SNTA1: variants seen among roughly 807,000 people sequenced by gnomAD.
SNTA1 encodes alpha-1-syntrophin.
A neutral mutation model predicts 47.1 loss-of-function variants in SNTA1; 31 were observed. The observed-to-expected ratio is 0.66, with a 90% confidence interval of 0.49 to 0.89. The LOEUF (loss-of-function observed/expected upper bound fraction) is 0.89, where lower values mean the gene tolerates loss of function less well. Among genes scored for constraint, SNTA1 ranks in the 40% least tolerant of loss-of-function variants. The probability of loss-of-function intolerance (pLI) is 0.00; values close to 1 mark genes in which losing one functional copy is unlikely to be tolerated. For synonymous variants in SNTA1, 300 were observed against 313.6 expected (o/e 0.96, Z 0.46); for missense variants, 575 against 693.0 (o/e 0.83, Z 1.91).
At chr20:33,438,241 G>A (rs1468385383) in intron 2 of SNTA1, among the ~76,000 whole-genome samples, 3 of 152,182 alleles carry the variant, frequency 2.0e-5, no homozygotes, top group Admixed American at 6.5e-5. Flanking sequence ...CAGAGGTTGC[G>A]ATGAACCAAG....
chr20:33,435,847 A>G (rs1028513765), intron 2 of SNTA1, among the ~76,000 whole-genome samples: 2 of 152,208 alleles, frequency 1.3e-5, no homozygotes, highest in African/African-American at 2.4e-5. Flanking sequence ...TACAGATACT[A>G]CCTTCTCAAA....
intron 2 of SNTA1, among the ~76,000 whole-genome samples, chr20:33,419,119 T>A (rs1989958593): frequency 1.3e-5 from 2 of 150,684 alleles, no homozygotes; most frequent in South Asian, 4.2e-4. Context: ...AAAAAAAAAA[T>A]GATGACTTTC....
chr20:33,410,360 T>C (rs1319951760), intron 5 of SNTA1, 29 bp from the exon 6 acceptor site: 1 of 1,492,746 alleles, frequency 6.7e-7, no homozygotes, highest in South Asian at 1.2e-5. Context: ...GGGCTGAGCA[T>C]GAGGCCTCAG....
At position 33,437,120 on chromosome 20, in the gene SNTA1, G is replaced by A. The variant is rs1600862549; in HGVS notation, c.496+1721C>T. ...TCTACTAAAAATAAAAAAATTAGCC[G>A]GGCATGGTGGTGGGTGCCTGTAATC... On this transcript the variant is annotated intron_variant, in intron 2 of 7. Transcript: ENST00000217381. Among the ~76,000 whole-genome samples the A allele has an allele frequency of 3.3e-5, 5 of 151,676 alleles. 1 individual carries two copies. The highest frequency in any genetic ancestry group is 1.2e-4 in the African/African-American group (5 of 41,382).
intron 1 of SNTA1, 21 bp downstream of exon 1, chr20:33,443,289 GC>G (rs1445446683): frequency 5.3e-6 from 8 of 1,496,354 alleles, no homozygotes; most frequent in Non-Finnish European, 7.1e-6. Flanking sequence ...ACGACCCCGC[GC>G]CCTCGGTGTC....
At chr20:33,432,944 T>G (rs1437228643) in intron 2 of SNTA1, among the ~76,000 whole-genome samples, 1 of 152,124 alleles carries the variant, frequency 6.6e-6, no homozygotes, top group Non-Finnish European at 1.5e-5. Flanking sequence ...AATTTTTTTT[T>G]TTTGAGATAG....
chr20:33,440,022 G>T, intron 1 of SNTA1, among the ~76,000 whole-genome samples: 1 of 152,160 alleles, frequency 6.6e-6, no homozygotes, highest in East Asian at 1.9e-4. Flanking sequence ...CTACTCGGGA[G>T]GCTGAGGCAG....
chr20:33,416,620 C>T (rs2146770793), intron 3 of SNTA1, among the ~76,000 whole-genome samples: 1 of 152,242 alleles, frequency 6.6e-6, no homozygotes, highest in Non-Finnish European at 1.5e-5. Flanking sequence ...GCGTGGCCAA[C>T]ATGGTGGAAC....
chr20:33,441,798 T>G (rs986444261), intron 1 of SNTA1, among the ~76,000 whole-genome samples: 2 of 152,196 alleles, frequency 1.3e-5, no homozygotes, highest in African/African-American at 4.8e-5. Context: ...AGTGTGTCCA[T>G]CTGCAGAATG....
At position 33,408,147 on chromosome 20, in the gene SNTA1, G is replaced by A; in HGVS notation, c.*360C>T. 1 of 336,298 alleles carries A rather than the reference G, an allele frequency of 3.0e-6. No homozygotes were observed. The highest frequency in any genetic ancestry group is 6.5e-5 in the East Asian group (1 of 15,458). The allele number at this position is 336,298 out of a possible 1,614,324, so 20.8% of individuals were successfully genotyped here. On this transcript the variant is annotated 3_prime_UTR_variant, in exon 8 of 8. Transcript: ENST00000217381. ...CTCCAGCTTCAGATGGGACCTCTGG[G>A]GGTGGCTTAGGGGCCTCGAGGAGGC... is the stretch of plus-strand genomic sequence containing the variant.
chr20:33,410,368 C>G (rs1233045679), intron 5 of SNTA1, 37 bp from the exon 6 acceptor site: 1 of 1,423,602 alleles, frequency 7.0e-7, no homozygotes, highest in East Asian at 2.4e-5. Flanking sequence ...CATGAGGCCT[C>G]AGGCCGGAGG....
At chr20:33,416,991 T>C (rs1307719125) in intron 3 of SNTA1, among the ~76,000 whole-genome samples, 1 of 149,048 alleles carries the variant, frequency 6.7e-6, no homozygotes, top group African/African-American at 2.5e-5. Flanking sequence ...TGGGCGCCTG[T>C]AGTCCCAGCT....
intron 5 of SNTA1, 23 bp from the exon 6 acceptor site, chr20:33,410,354 T>C (rs768039899): frequency 3.3e-6 from 5 of 1,519,984 alleles, no homozygotes; most frequent in Non-Finnish European, 4.5e-6. Context: ...GGCAGAGGGC[T>C]GAGCATGAGG....
At chr20:33,442,801 C>T (rs993405647) in intron 1 of SNTA1, among the ~76,000 whole-genome samples, 5 of 152,088 alleles carry the variant, frequency 3.3e-5, no homozygotes, top group Non-Finnish European at 1.5e-5. Flanking sequence ...TCCTTAGATT[C>T]CTAGGTCCTT....
chr20:33,436,997 G>T (rs1029758159), intron 2 of SNTA1, among the ~76,000 whole-genome samples: 1 of 148,182 alleles, frequency 6.7e-6, no homozygotes, highest in Non-Finnish European at 1.5e-5. Context: ...AGGCGCAGGG[G>T]CTCACACCTG....
intron 2 of SNTA1, among the ~76,000 whole-genome samples, chr20:33,427,175 T>G (rs1355999056): frequency 6.6e-6 from 1 of 151,686 alleles, no homozygotes; most frequent in Non-Finnish European, 1.5e-5. Context: ...GAGATAGCAG[T>G]GTGGTTATGA....
intron 2 of SNTA1, among the ~76,000 whole-genome samples, chr20:33,420,463 C>T (rs1989991892): frequency 6.6e-6 from 1 of 152,194 alleles, no homozygotes; most frequent in African/African-American, 2.4e-5. Context: ...GGTGCAACTG[C>T]TACATCTCCT....
rs1990624730 is a variant in SNTA1, at chr20:33,443,303, G to A, written c.310+8C>T. On this transcript the variant is annotated splice_region_variant and intron_variant, in intron 1 of 7. Transcript: ENST00000217381. ...CACGACCCCGCGCCCTCGGTGTCCCGCGCCCACCTTTGATGCTGATGCCCA... is the reference window on the plus strand; with the variant it reads ...CACGACCCCGCGCCCTCGGTGTCCCACGCCCACCTTTGATGCTGATGCCCA... 1 of 1,507,874 alleles carries A rather than the reference G, an allele frequency of 6.6e-7. No homozygotes were observed. The highest frequency in any genetic ancestry group is 8.8e-7 in the Non-Finnish European group (1 of 1,135,314). 93.4% of individuals were successfully genotyped at this position (1,507,874 alleles called of 1,614,324 possible).
At chr20:33,417,560 T>C (rs904929312) in intron 3 of SNTA1, among the ~76,000 whole-genome samples, 159 bp downstream of exon 3, 4 of 152,152 alleles carry the variant, frequency 2.6e-5, no homozygotes, top group African/African-American at 9.7e-5. Flanking sequence ...ATCATCTCCA[T>C]GGCTTCACTC....
Sources: allele counts gnomAD v4.1 joint callset (sites outside exome capture counted in the v4.1 genomes callset), GRCh38; gene constraint gnomAD v4.1.1; transcripts MANE v1.5; gene names NCBI Gene and HGNC (gene_info 2026-07-23, HGNC 2026-07-21).